Variants in MBNL1 observed in about 807,000 individuals in gnomAD.
MBNL1 encodes muscleblind like splicing regulator 1.
Under a neutral mutation model 42.2 loss-of-function variants are expected in MBNL1, and 8 were observed. That is an observed-to-expected ratio of 0.19 (90% CI 0.11 to 0.34). MBNL1 has a LOEUF of 0.34. Ranked by LOEUF, MBNL1 falls within the 10% of genes least tolerant of loss-of-function variation. The pLI is 1.00. For missense variants in MBNL1, 309 were observed against 495.3 expected, an observed-to-expected ratio of 0.62 and a Z score of 3.57; for synonymous variants, 169 against 173.9, an observed-to-expected ratio of 0.97 and a Z score of 0.22.
chr3:152,421,966 TA>T (rs535802755), intron 3 of MBNL1, among the ~76,000 whole-genome samples: 185 of 145,560 alleles, frequency 1.3e-3, no homozygotes, highest in African/African-American at 2.4e-3. Flanking sequence ...TACCGACCAC[TA>T]AAAAAAAAAA....
At chr3:152,352,937 T>G (rs1263280529) in intron 2 of MBNL1, among the ~76,000 whole-genome samples, 1 of 152,234 alleles carries the variant, frequency 6.6e-6, no homozygotes, top group African/African-American at 2.4e-5. Context: ...TGTAAACTTC[T>G]TGGATTATGT....
intron 2 of MBNL1, among the ~76,000 whole-genome samples, chr3:152,251,995 T>C (rs977945623): frequency 3.3e-5 from 5 of 152,096 alleles, no homozygotes; most frequent in African/African-American, 1.2e-4. Flanking sequence ...CTTCAACATC[T>C]ATTTAATTAT....
intron 2 of MBNL1, among the ~76,000 whole-genome samples, chr3:152,245,608 C>G (rs1395553734): frequency 6.6e-6 from 1 of 152,174 alleles, no homozygotes; most frequent in Non-Finnish European, 1.5e-5. Context: ...ACTATCCCAT[C>G]AATTAATAGA....
At chr3:152,257,517 A>G (rs975427840) in intron 2 of MBNL1, among the ~76,000 whole-genome samples, 1 of 152,168 alleles carries the variant, frequency 6.6e-6, no homozygotes, top group Admixed American at 6.5e-5. Flanking sequence ...AAATCTCTCA[A>G]AAGTGTAAAT....
chr3:152,329,292 T>G (rs1213888184), intron 2 of MBNL1, among the ~76,000 whole-genome samples: 1 of 152,118 alleles, frequency 6.6e-6, no homozygotes, highest in Non-Finnish European at 1.5e-5. Flanking sequence ...ATAAAATGCC[T>G]GTTAAAATAA....
rs1194318043 is a variant in MBNL1, at chr3:152,268,996, T to C, written c.-886T>C. On this transcript the variant is annotated 5_prime_UTR_variant, in exon 1 of 10. Transcript: ENST00000324210. ...CTCCCATGACAAGGAGCTGACAAGT[T>C]CCATTTTCCGTCGCGGGCATCTTGG... 4.4e-6 allele frequency: 2 copies of C among 456,080 alleles called. No individual in the cohort carries two copies. Among genetic ancestry groups the C allele is most frequent in the South Asian group, 3.1e-5 (2 of 64,572 alleles). The allele number at this position is 456,080 out of a possible 1,614,324, so 28.3% of individuals were successfully genotyped here.
At chr3:152,399,885 T>G (rs2098139807) in intron 2 of MBNL1, among the ~76,000 whole-genome samples, 1 of 152,198 alleles carries the variant, frequency 6.6e-6, no homozygotes, top group Non-Finnish European at 1.5e-5. Flanking sequence ...AGTAAAATCA[T>G]TTGTTGTATC....
At chr3:152,372,504 G>A (rs1020808806) in intron 2 of MBNL1, among the ~76,000 whole-genome samples, 4 of 152,148 alleles carry the variant, frequency 2.6e-5, no homozygotes, top group African/African-American at 9.7e-5. Flanking sequence ...TTTTGTTGAT[G>A]TTGATGCTAT....
intron 1 of MBNL1, among the ~76,000 whole-genome samples, chr3:152,291,182 C>G (rs1321829417): frequency 6.6e-6 from 1 of 152,114 alleles, no homozygotes; most frequent in African/African-American, 2.4e-5. Flanking sequence ...TCTCATTATA[C>G]CTTCTTGTAG....
intron 1 of MBNL1, among the ~76,000 whole-genome samples, chr3:152,282,520 T>C (rs1364599476): frequency 6.6e-6 from 1 of 152,178 alleles, no homozygotes; most frequent in Non-Finnish European, 1.5e-5. Flanking sequence ...TTCTAGGCAC[T>C]GTGCTAGATA....
intron 1 of MBNL1, among the ~76,000 whole-genome samples, chr3:152,295,429 A>T (rs2058143904): frequency 6.6e-6 from 1 of 152,228 alleles, no homozygotes; most frequent in Admixed American, 6.5e-5. Context: ...GATGCCATAG[A>T]TCATGATATT....
At chr3:152,321,274 T>C (rs986654807) in intron 2 of MBNL1, among the ~76,000 whole-genome samples, 1 of 152,024 alleles carries the variant, frequency 6.6e-6, no homozygotes, top group African/African-American at 2.4e-5. Context: ...TAGAATAGAG[T>C]AATTATGTAG....
chr3:152,418,729 T>G (rs1367233632), intron 3 of MBNL1, among the ~76,000 whole-genome samples: 1 of 149,840 alleles, frequency 6.7e-6, no homozygotes, highest in Admixed American at 6.6e-5. Flanking sequence ...TTTTTTTTTT[T>G]TTTTTGAGAC....
chr3:152,463,040 CTG>C lies in MBNL1; in HGVS notation c.*676_*677del, dbSNP rs1370411963. 1 of 152,262 alleles carries C rather than the reference CTG, an allele frequency of 6.6e-6. No individual in the cohort carries two copies. Among genetic ancestry groups the C allele is most frequent in the Non-Finnish European group, 1.5e-5 (1 of 67,924 alleles). The allele number at this position is 152,262 out of a possible 1,614,324, so 9.4% of individuals were successfully genotyped here. Reference sequence around the variant, plus strand: ...AAGGATTCTCATGAAGTGCCATAGACTGTACATCAAATTAGAGTATTATTTCT... The same window carrying C: ...AAGGATTCTCATGAAGTGCCATAGACTACATCAAATTAGAGTATTATTTCT... On this transcript the variant is annotated 3_prime_UTR_variant, in exon 10 of 10. Transcript: ENST00000324210.
At chr3:152,343,005 A>C (rs575063029) in intron 2 of MBNL1, among the ~76,000 whole-genome samples, 1 of 152,300 alleles carries the variant, frequency 6.6e-6, no homozygotes, top group Non-Finnish European at 1.5e-5. Flanking sequence ...GATGGATATA[A>C]TCTTAGTAGA....
At chr3:152,273,011 G>C (rs912628751) in intron 1 of MBNL1, among the ~76,000 whole-genome samples, 1 of 152,156 alleles carries the variant, frequency 6.6e-6, no homozygotes, top group African/African-American at 2.4e-5. Context: ...TAGCTAGTTT[G>C]TATATAGAGC....
chr3:152,452,975 A>G (rs1726373801), intron 6 of MBNL1, among the ~76,000 whole-genome samples: 1 of 152,128 alleles, frequency 6.6e-6, no homozygotes, highest in Non-Finnish European at 1.5e-5. Context: ...TATGCAAAGA[A>G]GAGAAAAAGA....
intron 2 of MBNL1, among the ~76,000 whole-genome samples, chr3:152,329,531 C>T (rs2082688591): frequency 6.6e-6 from 1 of 151,220 alleles, no homozygotes; most frequent in South Asian, 2.1e-4. Context: ...CACCTGTAGT[C>T]ACAGCTACTC....
At chr3:152,455,895 TCAAA>T (rs1171732897) in intron 7 of MBNL1, among the ~76,000 whole-genome samples, 1 of 152,230 alleles carries the variant, frequency 6.6e-6, no homozygotes, top group Non-Finnish European at 1.5e-5. Flanking sequence ...ATACTTTCAT[TCAAA>T]CAGATAACTG....
Sources: gnomAD v4.1 joint callset for allele counts (sites outside exome capture counted in the v4.1 genomes callset) on GRCh38, gnomAD v4.1.1 for gene constraint, MANE v1.5 for transcripts, NCBI Gene and HGNC (gene_info 2026-07-23, HGNC 2026-07-21) for gene names.